The following SOX6 variants were observed in gnomAD, a reference collection of about 807,000 sequenced individuals.
SOX6 encodes the protein SRY-box transcription factor 6, also known as transcription factor SOX-6.
In SOX6, 11 loss-of-function variants were observed where a neutral mutation model predicts 97.8. The ratio of observed to expected loss-of-function variants is 0.11; its 90% CI spans 0.07 to 0.19. The LOEUF (loss-of-function observed/expected upper bound fraction) is 0.19. Among genes scored for constraint, SOX6 ranks in the 10% least tolerant of loss-of-function variants. The pLI, the probability that SOX6 is intolerant of heterozygous loss-of-function variation, is 1.00. For synonymous variants in SOX6, 360 were observed against 371.4 expected (o/e 0.97, Z 0.35); for missense variants, 810 against 1,039.5 (o/e 0.78, Z 3.04).
intron 1 of SOX6, among the ~76,000 whole-genome samples, chr11:16,417,262 A>G (rs1260367510): frequency 2.0e-5 from 3 of 152,108 alleles, no homozygotes; most frequent in Non-Finnish European, 4.4e-5. Context: ...CCTCCTAACC[A>G]TCCATACCCC....
chr11:16,391,882 A>G (rs1034839878), intron 1 of SOX6, among the ~76,000 whole-genome samples: 6 of 152,202 alleles, frequency 3.9e-5, no homozygotes, highest in Admixed American at 6.5e-5. Flanking sequence ...CTGATTTTAT[A>G]TATTTTAAAA....
intron 4 of SOX6, among the ~76,000 whole-genome samples, chr11:16,564,212 A>G (rs1847843781): frequency 6.6e-6 from 1 of 152,216 alleles, no homozygotes; most frequent in African/African-American, 2.4e-5. Flanking sequence ...TAAATACAAT[A>G]GGATTTCCTT....
chr11:16,496,272 A>C (rs532007582), intron 4 of SOX6, among the ~76,000 whole-genome samples: 15 of 152,146 alleles, frequency 9.9e-5, no homozygotes, highest in Admixed American at 4.6e-4. Context: ...ATAATTCAAA[A>C]TAATGATATT....
chr11:16,049,696 G>C (rs757198925), intron 11 of SOX6, 59 bp downstream of exon 11: 1 of 1,596,058 alleles, frequency 6.3e-7, no homozygotes, highest in South Asian at 1.1e-5. Flanking sequence ...TAACTAAACA[G>C]GTTTGCTTTC....
intron 3 of SOX6, among the ~76,000 whole-genome samples, chr11:16,280,489 A>G (rs887527682): frequency 6.6e-6 from 1 of 152,010 alleles, no homozygotes; most frequent in African/African-American, 2.4e-5. Flanking sequence ...GTTGTCAGTC[A>G]GGGCCGCACC....
intron 4 of SOX6, among the ~76,000 whole-genome samples, chr11:16,532,369 T>C (rs1018906977): frequency 1.8e-4 from 27 of 151,932 alleles, no homozygotes; most frequent in Non-Finnish European, 3.7e-4. Context: ...CTTATAGTCC[T>C]ATGACTTTAA....
intron 4 of SOX6, among the ~76,000 whole-genome samples, chr11:16,524,970 TG>T (rs1861132696): frequency 6.6e-6 from 1 of 151,962 alleles, no homozygotes; most frequent in Non-Finnish European, 1.5e-5. Flanking sequence ...CACTGCTCAA[TG>T]AAATAAAAGA....
chr11:16,588,859 T>C (rs917456405), intron 4 of SOX6, among the ~76,000 whole-genome samples: 2 of 152,120 alleles, frequency 1.3e-5, no homozygotes, highest in Admixed American at 6.6e-5. Context: ...CAAGACACTG[T>C]CTCTTTTTTA....
At position 16,613,367 on chromosome 11, in the gene SOX6, A is replaced by G. The variant is rs1463651898; in HGVS notation, n.430-1107T>C. On this transcript the variant is annotated intron_variant and non_coding_transcript_variant, in intron 3 of 5. Coordinates refer to the SOX6 transcript ENST00000524520. The surrounding 1 kb of genome is among the most constrained non-coding windows in gnomAD (Gnocchi z 4.6). ...CTTTATTTTTCAGGTCTCTCCACTC[A>G]TAAATTATGGGTGTCACTAAAACGA... Among the ~76,000 whole-genome samples the G allele has an allele frequency of 6.6e-6, 1 of 152,032 alleles. No homozygotes were observed.
intron 3 of SOX6, among the ~76,000 whole-genome samples, chr11:16,257,354 GAA>G (rs200992048): frequency 6.6e-6 from 1 of 151,432 alleles, no homozygotes; most frequent in African/African-American, 2.4e-5. Flanking sequence ...ACTGGTAAAA[GAA>G]AAAAAATCGT....
At chr11:16,721,579 CCTCT>C (rs369867101) in intron 2 of SOX6, among the ~76,000 whole-genome samples, 17 of 21,332 alleles carry the variant, frequency 8.0e-4, no homozygotes, top group African/African-American at 2.4e-3. Context: ...TCCCTCCCTC[CCTCT>C]CTCTCTCTCT....
intron 7 of SOX6, among the ~76,000 whole-genome samples, chr11:16,099,707 C>CTTTT (rs34413272): frequency 2.2e-5 from 3 of 134,704 alleles, no homozygotes; most frequent in African/African-American, 5.4e-5. Flanking sequence ...TATGAAATAG[C>CTTTT]TTTTTTTTTT....
chr11:16,176,820 C>G (rs1421279045), intron 6 of SOX6, among the ~76,000 whole-genome samples: 1 of 151,880 alleles, frequency 6.6e-6, no homozygotes, highest in Non-Finnish European at 1.5e-5. Context: ...GAGAAAGGAT[C>G]TGAAATACTG....
chr11:16,158,597 C>T (rs1850663101), intron 6 of SOX6, among the ~76,000 whole-genome samples: 2 of 151,762 alleles, frequency 1.3e-5, no homozygotes, highest in South Asian at 4.2e-4. Flanking sequence ...GGCACCCAGG[C>T]AAAATGAAGA....
chr11:16,101,197 G>A (rs1790110932), intron 7 of SOX6, among the ~76,000 whole-genome samples: 2 of 151,560 alleles, frequency 1.3e-5, no homozygotes, highest in African/African-American at 4.8e-5. Flanking sequence ...CTGGATGCAC[G>A]CATTTGGTAC....
intron 3 of SOX6, among the ~76,000 whole-genome samples, chr11:16,306,845 C>A (rs1433240598): frequency 6.6e-6 from 1 of 151,860 alleles, no homozygotes; most frequent in Non-Finnish European, 1.5e-5. Context: ...AGGATGGTCT[C>A]GATCTCCTGA....
chr11:15,970,483 A>G lies in SOX6; in HGVS notation c.*2326T>C, dbSNP rs1487698744. On this transcript the variant is annotated 3_prime_UTR_variant, in exon 16 of 16. Coordinates refer to ENST00000683767, the MANE Select transcript of SOX6 (RefSeq NM_001367873.1). Reference sequence around the variant, plus strand: ...GAGCAAAAGCAAAAGCCAAAGAGAAAGAAAAAAAACAAGAGTGAACTGAGG... The same window carrying G: ...GAGCAAAAGCAAAAGCCAAAGAGAAGGAAAAAAAACAAGAGTGAACTGAGG... The G allele has an allele frequency of 6.6e-6, 1 of 152,640 alleles. No homozygotes were observed. The highest frequency in any genetic ancestry group is 2.4e-5 in the African/African-American group (1 of 41,458). The allele number at this position is 152,640 out of a possible 1,614,324, so 9.5% of individuals were successfully genotyped here.
At position 16,441,933 on chromosome 11, in the gene SOX6, C is replaced by G. The variant is rs189067139; in HGVS notation, c.-5+34382G>C. On this transcript the variant is annotated intron_variant, in intron 1 of 15. Transcript: ENST00000396356. ...GAAATGACTGTCGTGAAACTGAGCACTCCCTTGGGTGCAACAAACTTTAAA... is the reference window on the plus strand; with the variant it reads ...GAAATGACTGTCGTGAAACTGAGCAGTCCCTTGGGTGCAACAAACTTTAAA... Among the ~76,000 whole-genome samples, 14 of 152,322 alleles carry G rather than the reference C, an allele frequency of 9.2e-5. No homozygotes were observed. In the East Asian group the frequency reaches 2.5e-3, roughly 27 times the overall value.
chr11:16,065,848 T>C (rs528074107), intron 9 of SOX6, among the ~76,000 whole-genome samples: 1 of 152,158 alleles, frequency 6.6e-6, no homozygotes, highest in East Asian at 1.9e-4. Context: ...AGGATATGGG[T>C]CTGGGCAAAG....
Sources: gnomAD v4.1 joint callset for allele counts (sites outside exome capture counted in the v4.1 genomes callset) on GRCh38, gnomAD v4.1.1 for gene constraint, Gnocchi (gnomAD v3.1) non-coding constraint, MANE v1.5 for transcripts, NCBI Gene and HGNC (gene_info 2026-07-23, HGNC 2026-07-21) for gene names.